FAM117B: variants seen among roughly 807,000 people sequenced by gnomAD.
FAM117B encodes the protein protein FAM117B.
FAM117B carries 22 observed loss-of-function variants against 52.8 expected under a neutral mutation model. The ratio of observed to expected loss-of-function variants is 0.42; its 90% CI spans 0.30 to 0.59. FAM117B has a LOEUF of 0.59. Among genes scored for constraint, FAM117B ranks in the 20% least tolerant of loss-of-function variants. The pLI, the probability that FAM117B is intolerant of heterozygous loss-of-function variation, is 0.22. For missense variants in FAM117B, 678 were observed against 802.6 expected (o/e 0.84, Z 1.88); for synonymous variants, 309 against 324.1 (o/e 0.95, Z 0.50).
At chr2:202,751,871 TTAAAAATTA>T (rs1691729398) in intron 4 of FAM117B, among the ~76,000 whole-genome samples, 1 of 151,970 alleles carries the variant, frequency 6.6e-6, no homozygotes, top group South Asian at 2.1e-4. Flanking sequence ...AGTTGAATTT[TTAAAAATTA>T]TATAAATTTT....
chr2:202,647,457 G>C (rs1266372202), intron 1 of FAM117B, among the ~76,000 whole-genome samples: 2 of 152,088 alleles, frequency 1.3e-5, no homozygotes, highest in African/African-American at 4.8e-5. Flanking sequence ...CAAATACTCA[G>C]TTCTGGGTTG....
rs764980604 is a variant in FAM117B, at chr2:202,640,293, A to T, written c.601+4505A>T. Reference sequence around the variant, plus strand: ...TCACAACAACCACCACCACCACCACAAAATATATATATATATATATATATA... The same window carrying T: ...TCACAACAACCACCACCACCACCACTAAATATATATATATATATATATATA... On this transcript the variant is annotated intron_variant, in intron 1 of 7. Coordinates refer to ENST00000392238, the MANE Select transcript of FAM117B (RefSeq NM_173511.4). Among the ~76,000 whole-genome samples the T allele has an allele frequency of 1.5e-4, 9 of 61,690 alleles. 1 individual carries two copies. Among genetic ancestry groups the T allele is most frequent in the Non-Finnish European group, 2.4e-4 (8 of 33,134 alleles). 40.5% of individuals were successfully genotyped at this position (61,690 alleles called of 152,430 possible).
At chr2:202,715,543 T>C (rs1691038026) in intron 2 of FAM117B, among the ~76,000 whole-genome samples, 1 of 149,578 alleles carries the variant, frequency 6.7e-6, no homozygotes, top group Non-Finnish European at 1.5e-5. Flanking sequence ...GCAGAGACGC[T>C]CCTCACTTCC....
chr2:202,687,671 A>G (rs1410314715), intron 1 of FAM117B, among the ~76,000 whole-genome samples: 1 of 152,158 alleles, frequency 6.6e-6, no homozygotes, highest in Non-Finnish European at 1.5e-5. Flanking sequence ...TCAGCCTCCC[A>G]TAGCATTGGG....
At chr2:202,673,029 C>G (rs1690322129) in intron 1 of FAM117B, among the ~76,000 whole-genome samples, 1 of 152,180 alleles carries the variant, frequency 6.6e-6, no homozygotes, top group Non-Finnish European at 1.5e-5. Context: ...GACTGGGCGA[C>G]AGAGTGAGAC....
rs527662686 is a variant in FAM117B, at chr2:202,756,500, G to A, written c.1105-713G>A. On this transcript the variant is annotated intron_variant, in intron 5 of 7. Transcript: ENST00000392238. Reference sequence around the variant, plus strand: ...ACAGAGTATATTTATTTATCTAACCGTCTCTCTATTCTTTAGTGAAGGAGG... The same window carrying A: ...ACAGAGTATATTTATTTATCTAACCATCTCTCTATTCTTTAGTGAAGGAGG... Among the ~76,000 whole-genome samples the A allele has an allele frequency of 1.2e-4, 18 of 152,104 alleles. No homozygotes were observed. The South Asian group carries it at 2.9e-3, about 25-fold the overall frequency.
intron 1 of FAM117B, among the ~76,000 whole-genome samples, chr2:202,640,322 A>ATATATATATATG (rs1574536753): frequency 8.6e-6 from 1 of 116,254 alleles, no homozygotes; most frequent in East Asian, 2.6e-4. Flanking sequence ...ATATATATAT[A>ATATATATATATG]TATATATATA....
intron 1 of FAM117B, among the ~76,000 whole-genome samples, chr2:202,642,505 G>A (rs781687223): frequency 2.0e-5 from 3 of 152,068 alleles, no homozygotes; most frequent in African/African-American, 4.8e-5. Context: ...TGTAGGGATT[G>A]AGAAACGGGG....
chr2:202,760,759 C>T (rs1280746178), intron 7 of FAM117B, among the ~76,000 whole-genome samples: 3 of 152,080 alleles, frequency 2.0e-5, no homozygotes, highest in Non-Finnish European at 2.9e-5. Flanking sequence ...CTCAGTAATA[C>T]GTATTTGTTT....
chr2:202,694,980 C>T (rs947442804), intron 1 of FAM117B, among the ~76,000 whole-genome samples: 1 of 152,086 alleles, frequency 6.6e-6, no homozygotes, highest in Non-Finnish European at 1.5e-5. Context: ...AATTACCTTC[C>T]TGTCTTATTT....
intron 7 of FAM117B, among the ~76,000 whole-genome samples, chr2:202,763,656 A>G (rs180818112): frequency 2.0e-5 from 3 of 152,354 alleles, no homozygotes; most frequent in East Asian, 3.9e-4. Flanking sequence ...ATATATCCAA[A>G]TATACTTGTG....
chr2:202,687,204 T>C (rs1690554508), intron 1 of FAM117B, among the ~76,000 whole-genome samples: 1 of 152,226 alleles, frequency 6.6e-6, no homozygotes, highest in Admixed American at 6.5e-5. Flanking sequence ...AACAGTATTA[T>C]GTGATTACAT....
At chr2:202,708,441 A>T (rs1690909941) in intron 2 of FAM117B, among the ~76,000 whole-genome samples, 1 of 152,018 alleles carries the variant, frequency 6.6e-6, no homozygotes, top group Admixed American at 6.6e-5. Flanking sequence ...ATTCCATTGT[A>T]TGTATATACC....
chr2:202,687,871 A>T lies in FAM117B; in HGVS notation c.602-8010A>T, dbSNP rs1224233686. ...CATTTTCTTTCTAGGATAAATTATT[A>T]ATTAGGTACTGCTGGGCCTGTATCA... On this transcript the variant is annotated intron_variant, in intron 1 of 7. Transcript: ENST00000392238. Among the ~76,000 whole-genome samples the T allele has an allele frequency of 6.6e-5, 10 of 152,228 alleles. No homozygotes were observed. The East Asian group carries it at 1.9e-3, about 29-fold the overall frequency.
chr2:202,638,088 C>G (rs1211748143), intron 1 of FAM117B, among the ~76,000 whole-genome samples: 1 of 152,066 alleles, frequency 6.6e-6, no homozygotes, highest in Non-Finnish European at 1.5e-5. Flanking sequence ...ATTCGTCAGG[C>G]TGGTCTCAAG....
At chr2:202,717,088 T>C (rs1309915434) in intron 2 of FAM117B, among the ~76,000 whole-genome samples, 2 of 152,194 alleles carry the variant, frequency 1.3e-5, no homozygotes, top group African/African-American at 4.8e-5. Flanking sequence ...GTCTGGGCAT[T>C]GAAGAGTTAG....
chr2:202,710,908 A>G (rs1007902365), intron 2 of FAM117B, among the ~76,000 whole-genome samples: 2 of 152,174 alleles, frequency 1.3e-5, no homozygotes, highest in Non-Finnish European at 2.9e-5. Context: ...TTATGGCTGA[A>G]TAGTACTCCA....
intron 4 of FAM117B, among the ~76,000 whole-genome samples, chr2:202,740,296 G>T (rs752809224): frequency 3.5e-5 from 5 of 143,506 alleles, no homozygotes; most frequent in Non-Finnish European, 6.0e-5. Flanking sequence ...TGAGTCGGAG[G>T]TTGCAGTGAA....
intron 7 of FAM117B, among the ~76,000 whole-genome samples, 166 bp downstream of exon 7, chr2:202,759,519 G>A (rs1208669973): frequency 6.6e-6 from 1 of 150,784 alleles, no homozygotes; most frequent in Non-Finnish European, 1.5e-5. Flanking sequence ...AACCTCCCAA[G>A]TAGCTGGGAA....
Sources: gnomAD v4.1 joint callset for allele counts (sites outside exome capture counted in the v4.1 genomes callset) on GRCh38, gnomAD v4.1.1 for gene constraint, MANE v1.5 for transcripts, NCBI Gene and HGNC (gene_info 2026-07-23, HGNC 2026-07-21) for gene names.